The following RGPD2 variants were observed in gnomAD, a reference collection of about 807,000 sequenced individuals.
The protein encoded by RGPD2 is RANBP2-like and GRIP domain-containing protein 2.
In RGPD2, 2 loss-of-function variants were observed where a neutral mutation model predicts 36.0. The ratio of observed to expected loss-of-function variants is 0.06; its 90% confidence interval spans 0.02 to 0.17. The LOEUF is 0.17. Among genes scored for constraint, RGPD2 ranks in the 10% least tolerant of loss-of-function variants. The probability of loss-of-function intolerance (pLI) is 1.00; values close to 1 mark genes in which losing one functional copy is unlikely to be tolerated. For missense variants in RGPD2, 40 were observed against 464.3 expected (o/e 0.09, Z 8.40); for synonymous variants, 19 against 163.8 (o/e 0.12, Z 6.75).
chr2:87,769,689 T>A (rs181346748), intron 22 of RGPD2, among the ~76,000 whole-genome samples: 1 of 152,004 alleles, frequency 6.6e-6, no homozygotes, highest in Non-Finnish European at 1.5e-5. Context: ...TTGAAAACTA[T>A]TGAAAACTTT....
chr2:87,829,405 T>A (rs1267654110), upstream of RGPD2, among the ~76,000 whole-genome samples: 74 of 147,308 alleles, frequency 5.0e-4, no homozygotes, highest in African/African-American at 1.8e-3. Context: ...AAACATTAGA[T>A]GTCTAGAACC....
At chr2:87,928,894 G>C in the RGPD2 span, among the ~76,000 whole-genome samples, 1 of 151,600 alleles carries the variant, frequency 6.6e-6, no homozygotes, top group African/African-American at 2.4e-5. Context: ...TTTTTAATGA[G>C]GTGGGTTTTT....
the RGPD2 span, among the ~76,000 whole-genome samples, chr2:87,945,867 C>T: frequency 6.9e-6 from 1 of 145,132 alleles, no homozygotes; most frequent in Non-Finnish European, 1.5e-5. Flanking sequence ...GCCTTGGCCT[C>T]CTAAAGTGCT....
At chr2:87,967,385 G>T in the RGPD2 span, among the ~76,000 whole-genome samples, 1 of 149,956 alleles carries the variant, frequency 6.7e-6, no homozygotes, top group Non-Finnish European at 1.5e-5. Context: ...CTCCAGCCTG[G>T]GTGACAGAAC....
At chr2:87,964,020 G>C in the RGPD2 span, among the ~76,000 whole-genome samples, 1 of 151,264 alleles carries the variant, frequency 6.6e-6, no homozygotes, top group Non-Finnish European at 1.5e-5. Flanking sequence ...ATTTTTAGTA[G>C]AGACGGGGTT....
the RGPD2 span, among the ~76,000 whole-genome samples, chr2:87,937,282 T>C: frequency 6.6e-6 from 1 of 151,764 alleles, no homozygotes; most frequent in Non-Finnish European, 1.5e-5. Context: ...TGTTTGAATG[T>C]CTAGATGGAG....
chr2:87,970,125 A>T, the RGPD2 span, among the ~76,000 whole-genome samples: 2 of 151,156 alleles, frequency 1.3e-5, no homozygotes, highest in Non-Finnish European at 2.9e-5. Flanking sequence ...TTTTTCTGAG[A>T]CTCAAAATCC....
At chr2:87,978,267 A>G in the RGPD2 span, among the ~76,000 whole-genome samples, 1 of 151,844 alleles carries the variant, frequency 6.6e-6, no homozygotes, top group African/African-American at 2.4e-5. Flanking sequence ...ACCAGCTTAC[A>G]TATTTTTTAA....
chr2:87,988,542 T>TATATATATATGTA, the RGPD2 span, among the ~76,000 whole-genome samples: 1 of 37,576 alleles, frequency 2.7e-5, no homozygotes, highest in African/African-American at 7.6e-5. Flanking sequence ...TATATATATA[T>TATATATATATGTA]TTTTTTTTTT....
chr2:87,844,617 G>T, the RGPD2 span, among the ~76,000 whole-genome samples: 1 of 151,676 alleles, frequency 6.6e-6, no homozygotes, highest in Non-Finnish European at 1.5e-5. Flanking sequence ...TTAATGTCAT[G>T]TGGAGATACA....
At chr2:87,961,435 T>C in the RGPD2 span, among the ~76,000 whole-genome samples, 1 of 151,828 alleles carries the variant, frequency 6.6e-6, no homozygotes, top group Non-Finnish European at 1.5e-5. Flanking sequence ...GCGCCGTGGC[T>C]CACGCCTGTA....
intron 22 of RGPD2, among the ~76,000 whole-genome samples, chr2:87,761,990 T>C (rs1340761166): frequency 6.6e-6 from 1 of 152,040 alleles, no homozygotes; most frequent in Non-Finnish European, 1.5e-5. Flanking sequence ...CTCCTTGGCT[T>C]ATTTATAACT....
chr2:87,917,088 G>A, the RGPD2 span, among the ~76,000 whole-genome samples: 1 of 151,990 alleles, frequency 6.6e-6, no homozygotes, highest in Non-Finnish European at 1.5e-5. Context: ...ACAGGTGGAG[G>A]ACACAACAAT....
chr2:87,844,349 A>G, the RGPD2 span, among the ~76,000 whole-genome samples: 1 of 150,962 alleles, frequency 6.6e-6, no homozygotes, highest in Non-Finnish European at 1.5e-5. Context: ...TGCAGTTATG[A>G]TATTTTTAAT....
the RGPD2 span, among the ~76,000 whole-genome samples, chr2:87,935,316 GA>G: frequency 3.7e-3 from 553 of 148,084 alleles, 1 homozygote; most frequent in African/African-American, 0.01. Context: ...AGTATTCCAT[GA>G]AAAAAAAACA....
the RGPD2 span, among the ~76,000 whole-genome samples, chr2:87,831,489 A>G: frequency 1.3e-5 from 2 of 151,998 alleles, no homozygotes; most frequent in Admixed American, 1.3e-4. Flanking sequence ...AGAGAACCCC[A>G]TGTATATGCT....
the RGPD2 span, among the ~76,000 whole-genome samples, chr2:87,986,774 G>A: frequency 2.0e-5 from 3 of 151,366 alleles, 1 homozygote; most frequent in South Asian, 4.2e-4. Context: ...CAGCTACTCA[G>A]GAGGCTGAGG....
intron 22 of RGPD2, among the ~76,000 whole-genome samples, chr2:87,758,499 GCTCT>G (rs1271921421): frequency 3.9e-5 from 4 of 102,212 alleles, no homozygotes; most frequent in African/African-American, 6.9e-5. Flanking sequence ...AAATATTTTG[GCTCT>G]CTGTCTAAGA....
chr2:87,913,075 T>A, the RGPD2 span, among the ~76,000 whole-genome samples: 1 of 152,162 alleles, frequency 6.6e-6, no homozygotes, highest in Non-Finnish European at 1.5e-5. Flanking sequence ...TGAAAATAAT[T>A]ATAAAAATAT....
Sources: gnomAD v4.1 joint callset for allele counts (sites outside exome capture counted in the v4.1 genomes callset) on GRCh38, gnomAD v4.1.1 for gene constraint, MANE v1.5 for transcripts, NCBI Gene and HGNC (gene_info 2026-07-23, HGNC 2026-07-21) for gene names.